Variants in TPM4 observed in about 807,000 individuals in gnomAD.
The protein encoded by TPM4 is tropomyosin 4.
TPM4 carries 17 observed loss-of-function variants against 35.8 expected under a neutral mutation model. The observed-to-expected ratio is 0.47, with a 90% CI of 0.32 to 0.71. The LOEUF (loss-of-function observed/expected upper bound fraction) is 0.71, where lower values mean the gene tolerates loss of function less well. Among genes scored for constraint, TPM4 ranks in the 30% least tolerant of loss-of-function variants. The pLI is 0.03. For synonymous variants in TPM4, 120 were observed against 122.9 expected (o/e 0.98, Z 0.15); for missense variants, 240 against 320.9 (o/e 0.75, Z 1.93).
chr19:16,087,701 T>A (rs1391316043), intron 3 of TPM4, among the ~76,000 whole-genome samples: 1 of 151,876 alleles, frequency 6.6e-6, no homozygotes, highest in Admixed American at 6.6e-5. Flanking sequence ...GCCACTACGG[T>A]GAAACCCCAT....
intron 5 of TPM4, among the ~76,000 whole-genome samples, chr19:16,090,023 G>C (rs2090606634): frequency 1.3e-5 from 2 of 151,966 alleles, no homozygotes; most frequent in Admixed American, 1.3e-4. Flanking sequence ...TAGAGATGAG[G>C]TTTCACCACA....
intron 1 of TPM4, 45 bp downstream of exon 1, chr19:16,076,742 C>G (rs924617950): frequency 7.8e-6 from 10 of 1,284,142 alleles, no homozygotes; most frequent in Non-Finnish European, 9.9e-6. Context: ...CCTCCTCCCC[C>G]GCGCGCCCTC....
intron 2 of TPM4, 71 bp downstream of exon 2, chr19:16,082,117 C>T (rs878977339): frequency 6.5e-7 from 1 of 1,528,016 alleles, no homozygotes; most frequent in South Asian, 1.2e-5. Flanking sequence ...GCCGACCTCG[C>T]AGAGCTGGTG....
intron 1 of TPM4, chr19:16,077,007 G>A (rs943639327): frequency 1.3e-4 from 42 of 331,520 alleles, no homozygotes; most frequent in Non-Finnish European, 1.9e-4. Flanking sequence ...TGGAGCGGCG[G>A]GAGGGGGCGT....
Position 16,101,654 on chromosome 19 carries a change from GGTTCC to G in TPM4, c.*309_*313del, listed in dbSNP as rs2144969928. The G allele has an allele frequency of 3.3e-6, 1 of 305,736 alleles. No homozygotes were observed. Among genetic ancestry groups the G allele is most frequent in the Non-Finnish European group, 6.2e-6 (1 of 161,918 alleles). 18.9% of individuals were successfully genotyped at this position (305,736 alleles called of 1,614,324 possible). A position where few individuals can be genotyped will look rare whatever the true frequency, so the allele number is the denominator to read the frequency against. ...TACTTTCTTAAGACGGAGGCCATTTGGTTCCTGGGAGAATAGGCAGCCCCACACTT... is the reference window on the plus strand; with the variant it reads ...TACTTTCTTAAGACGGAGGCCATTTGTGGGAGAATAGGCAGCCCCACACTT... On this transcript the variant is annotated 3_prime_UTR_variant, in exon 8 of 8. Transcript: ENST00000643579.
intron 2 of TPM4, among the ~76,000 whole-genome samples, chr19:16,083,568 G>A (rs548602592): frequency 2.6e-5 from 4 of 151,202 alleles, no homozygotes; most frequent in African/African-American, 9.8e-5. Flanking sequence ...CAGGCTCTCT[G>A]GAAGACTGAG....
At chr19:16,101,194 C>T in intron 7 of TPM4, 70 bp from the exon 8 acceptor site, 2 of 1,260,372 alleles carry the variant, frequency 1.6e-6, no homozygotes, top group South Asian at 1.4e-5. Flanking sequence ...AAAAACAAAT[C>T]TTTTTTTTTC....
At chr19:16,068,128 CGT>C (rs1022133818) in intron 2 of TPM4, among the ~76,000 whole-genome samples, 10 of 149,992 alleles carry the variant, frequency 6.7e-5, no homozygotes, top group African/African-American at 2.5e-4. Context: ...TGTGTGTGTA[CGT>C]GTGTGCGTGT....
chr19:16,081,394 T>G, intron 1 of TPM4: 3 of 203,722 alleles, frequency 1.5e-5, no homozygotes, highest in Non-Finnish European at 2.7e-5. Flanking sequence ...ACTGGGACAC[T>G]CGCTTTTTTT....
chr19:16,092,459 C>G (rs1183237519), intron 5 of TPM4, among the ~76,000 whole-genome samples: 1 of 152,020 alleles, frequency 6.6e-6, no homozygotes, highest in East Asian at 1.9e-4. Context: ...TCCTACAGGA[C>G]TCTCCCCAAC....
chr19:16,096,422 C>A (rs73517719), intron 7 of TPM4, among the ~76,000 whole-genome samples: 3,308 of 152,246 alleles, frequency 0.022, 125 homozygotes, highest in African/African-American at 0.077. Flanking sequence ...CCTTGTAAAC[C>A]GCTTAGGCAG....
At chr19:16,084,719 G>C (rs2090526077) in intron 2 of TPM4, among the ~76,000 whole-genome samples, 1 of 152,088 alleles carries the variant, frequency 6.6e-6, no homozygotes, top group African/African-American at 2.4e-5. Context: ...TGATCTCTTG[G>C]GTACTACAAG....
intron 5 of TPM4, among the ~76,000 whole-genome samples, chr19:16,092,159 CAG>C (rs1231470625): frequency 7.0e-6 from 1 of 143,806 alleles, no homozygotes; most frequent in East Asian, 2.0e-4. Context: ...GCCTGGGTGA[CAG>C]AGCAAGATTC....
chr19:16,076,841 C>T (rs1005838212), intron 1 of TPM4, 144 bp downstream of exon 1: 5 of 1,253,100 alleles, frequency 4.0e-6, no homozygotes, highest in Admixed American at 4.3e-5. Context: ...CGACCCACAT[C>T]CCTGCGCCCG....
chr19:16,075,999 C>T (rs1247024292), upstream of TPM4: 3 of 1,523,132 alleles, frequency 2.0e-6, no homozygotes, highest in Non-Finnish European at 2.6e-6. Context: ...ACCTCGGGGA[C>T]GTGACCCCCC....
intron 7 of TPM4, among the ~76,000 whole-genome samples, chr19:16,098,572 C>G (rs988692122): frequency 6.6e-6 from 1 of 152,308 alleles, no homozygotes; most frequent in African/African-American, 2.4e-5. Flanking sequence ...CATTTTATCT[C>G]AGACCTAATA....
intron 1 of TPM4, chr19:16,077,041 G>A (rs1420329030): frequency 1.7e-5 from 4 of 231,172 alleles, no homozygotes; most frequent in Non-Finnish European, 3.2e-5. Context: ...CGACTCCGGG[G>A]CTGGCGCCGG....
At chr19:16,078,486 A>G (rs568523574) in intron 1 of TPM4, among the ~76,000 whole-genome samples, 4 of 152,154 alleles carry the variant, frequency 2.6e-5, no homozygotes, top group Admixed American at 6.5e-5. Flanking sequence ...GAAGCCTCTA[A>G]TCCTGTAAGG....
chr19:16,084,992 C>A (rs972441523), intron 2 of TPM4, among the ~76,000 whole-genome samples: 1 of 152,072 alleles, frequency 6.6e-6, no homozygotes, highest in African/African-American at 2.4e-5. Context: ...TGCGGTGGCT[C>A]ACACCTGTAA....
Sources: gnomAD v4.1 joint callset for allele counts (sites outside exome capture counted in the v4.1 genomes callset) on GRCh38, gnomAD v4.1.1 for gene constraint, MANE v1.5 for transcripts, NCBI Gene and HGNC (gene_info 2026-07-23, HGNC 2026-07-21) for gene names.